Variants in PDZRN4 observed in about 807,000 individuals in gnomAD.
PDZRN4 encodes PDZ domain containing ring finger 4, also known as PDZ domain-containing RING finger protein 4.
PDZRN4 carries 70 observed loss-of-function variants against 99.0 expected under a neutral mutation model. That is an observed-to-expected ratio of 0.71 (90% CI 0.58 to 0.86). The LOEUF (loss-of-function observed/expected upper bound fraction) is 0.86, where lower values mean the gene tolerates loss of function less well. Among genes scored for constraint, PDZRN4 ranks in the 40% least tolerant of loss-of-function variants. The pLI is 0.00. For synonymous variants in PDZRN4, 551 were observed against 501.6 expected (o/e 1.10, Z -1.32); for missense variants, 1,474 against 1,331.2 (o/e 1.11, Z -1.67).
chr12:41,264,280 T>C (rs2120840087), intron 3 of PDZRN4, among the ~76,000 whole-genome samples: 1 of 152,320 alleles, frequency 6.6e-6, no homozygotes, highest in Non-Finnish European at 1.5e-5. Flanking sequence ...TCAACCTGAG[T>C]GTATACAATT....
intron 3 of PDZRN4, among the ~76,000 whole-genome samples, chr12:41,491,394 C>T (rs560758970): frequency 6.6e-5 from 10 of 152,086 alleles, no homozygotes; most frequent in Admixed American, 5.2e-4. Flanking sequence ...TGGTGGTGCA[C>T]CCCTGCAGAC....
chr12:41,573,702 C>T lies in PDZRN4; in HGVS notation c.2923C>T (p.Pro975Ser), dbSNP rs1449920436. The T allele has an allele frequency of 6.2e-7, 1 of 1,613,794 alleles. No homozygotes were observed. Among genetic ancestry groups the T allele is most frequent in the African/African-American group, 1.3e-5 (1 of 74,952 alleles). The stretch of plus-strand genomic sequence containing the variant: ...CAGGTTAGAGTGTCTCAAGGAGAGC[C>T]CTCAGAGCGGCAGTGAGGGCAAGAA... ...RSRLECLKES[P>S]QSGSEGKKEI... Residue 975 changes from proline (P) to serine (S), a missense_variant, in exon 10 of 10, where the codon CCT becomes TCT. Coordinates refer to ENST00000402685, the MANE Select transcript of PDZRN4 (RefSeq NM_001164595.2).
chr12:41,302,466 T>G (rs1052700862), intron 3 of PDZRN4, among the ~76,000 whole-genome samples: 7 of 152,150 alleles, frequency 4.6e-5, no homozygotes, highest in South Asian at 2.1e-4. Context: ...ATGTTTTGTG[T>G]GCAGAATTTT....
chr12:41,475,224 A>T (rs1276038861), intron 3 of PDZRN4, among the ~76,000 whole-genome samples: 2 of 152,192 alleles, frequency 1.3e-5, no homozygotes, highest in African/African-American at 4.8e-5. Flanking sequence ...TAGATAGTTA[A>T]TAATAGCCAT....
chr12:41,523,807 A>C (rs1198770298), intron 5 of PDZRN4, among the ~76,000 whole-genome samples: 2 of 152,144 alleles, frequency 1.3e-5, no homozygotes, highest in East Asian at 3.9e-4. Flanking sequence ...AAAAGGAATA[A>C]TAATCTTCAC....
chr12:41,544,429 A>G (rs974229185), intron 5 of PDZRN4, among the ~76,000 whole-genome samples: 1 of 152,202 alleles, frequency 6.6e-6, no homozygotes, highest in African/African-American at 2.4e-5. Flanking sequence ...GCAGTTAACT[A>G]ATTCAACAAA....
intron 3 of PDZRN4, among the ~76,000 whole-genome samples, chr12:41,228,538 A>G (rs1467180653): frequency 6.6e-6 from 1 of 152,116 alleles, no homozygotes; most frequent in Admixed American, 6.6e-5. Context: ...AAGAAAGTGT[A>G]TGGTGGATTA....
intron 7 of PDZRN4, 67 bp from the exon 8 acceptor site, chr12:41,563,481 T>C (rs1939309120): frequency 1.8e-6 from 2 of 1,114,286 alleles, no homozygotes; most frequent in South Asian, 2.6e-5. Context: ...TGAGCTGATA[T>C]TTGCCATTTA....
At chr12:41,508,438 G>T (rs1359062797) in intron 4 of PDZRN4, among the ~76,000 whole-genome samples, 2 of 152,118 alleles carry the variant, frequency 1.3e-5, no homozygotes, top group African/African-American at 4.8e-5. Flanking sequence ...AATTAATAGG[G>T]CAGAATTGGA....
chr12:41,300,732 A>G (rs566314859), intron 3 of PDZRN4, among the ~76,000 whole-genome samples: 1 of 152,104 alleles, frequency 6.6e-6, no homozygotes, highest in South Asian at 2.1e-4. Context: ...GGTCAGCTGT[A>G]CCCAGAGATC....
chr12:41,362,097 C>CA (rs1769206224), intron 3 of PDZRN4, among the ~76,000 whole-genome samples: 1 of 151,584 alleles, frequency 6.6e-6, no homozygotes, highest in Non-Finnish European at 1.5e-5. Flanking sequence ...TTATTATGAT[C>CA]TAAAAAGGAC....
At chr12:41,564,369 T>C (rs1375652049) in intron 8 of PDZRN4, among the ~76,000 whole-genome samples, 1 of 152,154 alleles carries the variant, frequency 6.6e-6, no homozygotes, top group Admixed American at 6.6e-5. Flanking sequence ...AAAAGTACTA[T>C]TGGGGCTTCC....
chr12:41,333,234 T>A (rs1312173184), intron 3 of PDZRN4, among the ~76,000 whole-genome samples: 1 of 152,150 alleles, frequency 6.6e-6, no homozygotes, highest in African/African-American at 2.4e-5. Context: ...AGACAGGTCA[T>A]CGTGGGTCTC....
At position 41,307,610 on chromosome 12, in the gene PDZRN4, A is replaced by AT. The variant is rs10542756; in HGVS notation, c.843+113438dup. 1.4e-3 allele frequency among the ~76,000 whole-genome samples: 210 copies of AT among 147,252 alleles called. 5 individuals are homozygous for AT. In the East Asian group the frequency reaches 0.038, roughly 26 times the overall value. On this transcript the variant is annotated intron_variant, in intron 3 of 9. Coordinates refer to ENST00000402685, the MANE Select transcript of PDZRN4 (RefSeq NM_001164595.2). ...TGAAGAAGGAACTTTGGAGAGCCAG[A>AT]TTTTTTTTTTTTTTTTGGTAAACAT...
chr12:41,511,997 G>A (rs1938314425), intron 5 of PDZRN4, among the ~76,000 whole-genome samples: 1 of 152,102 alleles, frequency 6.6e-6, no homozygotes, highest in South Asian at 2.1e-4. Context: ...CGGGATGGAT[G>A]AGCACCTTAA....
intron 3 of PDZRN4, among the ~76,000 whole-genome samples, chr12:41,402,539 G>A (rs9669204): frequency 1 from 14 of 14 alleles, 7 homozygotes; most frequent in Non-Finnish European, 1. Flanking sequence ...TATACTGAGT[G>A]TATACATATA....
chr12:41,263,452 C>T (rs532286963), intron 3 of PDZRN4, among the ~76,000 whole-genome samples: 11 of 152,144 alleles, frequency 7.2e-5, no homozygotes, highest in African/African-American at 2.6e-4. Context: ...TTTGGGTGGC[C>T]AAGGCGGGAG....
intron 3 of PDZRN4, among the ~76,000 whole-genome samples, chr12:41,384,955 A>G (rs1237264458): frequency 6.6e-6 from 1 of 152,196 alleles, no homozygotes; most frequent in Non-Finnish European, 1.5e-5. Flanking sequence ...TACAGATAAG[A>G]TACACCTGAT....
chr12:41,375,863 G>T (rs1183480789), intron 3 of PDZRN4, among the ~76,000 whole-genome samples: 1 of 152,034 alleles, frequency 6.6e-6, no homozygotes, highest in African/African-American at 2.4e-5. Context: ...TAGCTCCCCA[G>T]AGCTTCTGCT....
Sources: allele counts gnomAD v4.1 joint callset (sites outside exome capture counted in the v4.1 genomes callset), GRCh38; gene constraint gnomAD v4.1.1; transcripts MANE v1.5; gene names NCBI Gene and HGNC (gene_info 2026-07-23, HGNC 2026-07-21).